Variants in PKP3 observed in about 807,000 individuals in gnomAD.
PKP3 encodes the protein plakophilin 3.
A neutral mutation model predicts 76.5 loss-of-function variants in PKP3; 66 were observed. That is an observed-to-expected ratio of 0.86 (90% CI 0.71 to 1.06). PKP3 has a LOEUF of 1.06. PKP3 is among the 50% of genes least tolerant of loss of function. PKP3 has a pLI of 0.00. For missense variants in PKP3, 1,338 were observed against 1,141.0 expected, an observed-to-expected ratio of 1.17 and a Z score of -2.49; for synonymous variants, 638 against 516.5, an observed-to-expected ratio of 1.24 and a Z score of -3.19.
chr11:397,003 G>C lies in PKP3; in HGVS notation c.502G>C (p.Gly168Arg). The C allele has an allele frequency of 6.3e-7, 1 of 1,599,822 alleles. No individual in the cohort carries two copies. Among genetic ancestry groups the C allele is most frequent in the African/African-American group, 1.3e-5 (1 of 75,038 alleles). Reference sequence around the variant, plus strand: ...CAGGCCCGTGTCCTTCCATGAGCGCGGTGGGGTTGGGAGCCGGGCCGACTA... The same window carrying C: ...CAGGCCCGTGTCCTTCCATGAGCGCCGTGGGGTTGGGAGCCGGGCCGACTA... ...PTRPVSFHERGGVGSRADYDT... is the reference protein window; with the variant it reads ...PTRPVSFHERRGVGSRADYDT... Residue 168 changes from glycine to arginine, a missense_variant, in exon 3 of 13, where the codon GGT becomes CGT. Coordinates refer to ENST00000331563, the MANE Select transcript of PKP3 (RefSeq NM_007183.4).
chr11:394,607 C>A (rs756720664), intron 1 of PKP3, 83 bp downstream of exon 1: 138 of 1,135,084 alleles, frequency 1.2e-4, no homozygotes, highest in Middle Eastern at 3.2e-4. Context: ...GGGCAGAGGC[C>A]GCAGTGAGGC....
At position 397,339 on chromosome 11, in the gene PKP3, T is replaced by A. The variant is rs1216667514; in HGVS notation, c.838T>A (p.Ser280Thr). 6.3e-7 allele frequency: 1 copy of A among 1,583,492 alleles called. No individual in the cohort carries two copies. Among genetic ancestry groups the A allele is most frequent in the Non-Finnish European group, 8.6e-7 (1 of 1,167,884 alleles). ...AVLEPVARAPSVRSLSLSLAD... is the reference protein window; with the variant it reads ...AVLEPVARAPTVRSLSLSLAD... ...CCTGGAGCCAGTGGCTCGAGCGCCA[T>A]CTGTGCGCAGCCTCAGCCTCAGCCT... Residue 280 changes from serine to threonine, a missense_variant, in exon 3 of 13, where the codon TCT becomes ACT. Coordinates refer to ENST00000331563, the MANE Select transcript of PKP3 (RefSeq NM_007183.4).
rs1455054156 is a variant in PKP3 at position 404,877 on chromosome 11, G to A, written c.*308G>A. On this transcript the variant is annotated 3_prime_UTR_variant, in exon 13 of 13. Transcript: ENST00000331563. This position sits in a 1 kb window ranked among gnomAD's most constrained non-coding sequence, Gnocchi z 4.2. ...GCCTGGCAGTATCTTGGGATAGCCA[G>A]CACTGGGAATAAAGATGGCCATGAA... 6.7e-6 allele frequency: 3 copies of A among 445,168 alleles called. No individual in the cohort carries two copies. In the Admixed American group the frequency reaches 1.1e-4, roughly 16 times the overall value. 27.6% of individuals were successfully genotyped at this position (445,168 alleles called of 1,614,324 possible).
chr11:403,001 ACCCGACCCGCTCACCCCGACCCGCTCAC>A lies in PKP3; in HGVS notation c.1738-54_1738-27del, dbSNP rs375586630. 120 of 95,532 alleles carry A rather than the reference ACCCGACCCGCTCACCCCGACCCGCTCAC, an allele frequency of 1.3e-3. 4 individuals carry two copies. In the East Asian group the frequency reaches 0.02, roughly 16 times the overall value. The allele number at this position is 95,532 out of a possible 1,614,324, so 5.9% of individuals were successfully genotyped here. A position where few individuals can be genotyped will look rare whatever the true frequency, so the allele number is the denominator to read the frequency against. ...CCCCGCTCACCCCCGCCCCACTCAC[ACCCGACCCGCTCACCCCGACCCGCTCAC>A]CCCGACCCGCTCACCCCGACCCCGC... On this transcript the variant is annotated intron_variant, in intron 8 of 12. Coordinates refer to ENST00000331563, the MANE Select transcript of PKP3 (RefSeq NM_007183.4).
chr11:395,105 G>A (rs1847028124), intron 1 of PKP3, among the ~76,000 whole-genome samples: 1 of 152,186 alleles, frequency 6.6e-6, no homozygotes, highest in African/African-American at 2.4e-5. Flanking sequence ...CTCGGTGCCA[G>A]CCAGACCCAC....
At position 400,065 on chromosome 11, in the gene PKP3, G is replaced by T; in HGVS notation, c.1372G>T (p.Gly458Trp). ...AGACCTGGTGTTGAGCCCCCTGTCGGGGGCTGGGGGTCCCCCCCTCATCCA... is the reference window on the plus strand; with the variant it reads ...AGACCTGGTGTTGAGCCCCCTGTCGTGGGCTGGGGGTCCCCCCCTCATCCA... ...LTDLVLSPLSGAGGPPLIQQN... is the reference protein window; with the variant it reads ...LTDLVLSPLSWAGGPPLIQQN... The change falls in exon 6 of 13, where the codon GGG (glycine) becomes TGG (tryptophan). Residue 458 changes from glycine (G) to tryptophan (W), a missense_variant. Transcript: ENST00000331563. The T allele has an allele frequency of 6.2e-7, 1 of 1,602,968 alleles. No homozygotes were observed. The highest frequency in any genetic ancestry group is 1.1e-5 in the South Asian group (1 of 89,764).
At position 400,605 on chromosome 11, in the gene PKP3, C is replaced by T. The variant is rs1339346390; in HGVS notation, c.1637C>T (p.Ala546Val). ...YRLYDEMPPS[A>V]LQRLEGRGRR... ...CTCTACGACGAGATGCCGCCGTCCG[C>T]GCTGCAGCGGCTGGAGGGTCGCGGC... The change falls in exon 8 of 13, where the codon GCG (alanine) becomes GTG (valine). Residue 546 changes from alanine to valine, a missense_variant. Transcript: ENST00000331563. The T allele has an allele frequency of 8.3e-6, 12 of 1,453,148 alleles. No individual in the cohort carries two copies. The highest frequency in any genetic ancestry group is 1.1e-5 in the Non-Finnish European group (12 of 1,111,822). 90.0% of individuals were successfully genotyped at this position (1,453,148 alleles called of 1,614,324 possible). A position where few individuals can be genotyped will look rare whatever the true frequency, so the allele number is the denominator to read the frequency against.
At chr11:394,602 G>C in intron 1 of PKP3, 78 bp downstream of exon 1, 4 of 1,184,880 alleles carry the variant, frequency 3.4e-6, no homozygotes, top group Non-Finnish European at 4.4e-6. Flanking sequence ...TGTGAGGGCA[G>C]AGGCCGCAGT....
chr11:396,401 G>T (rs1475715708), intron 1 of PKP3: 3 of 520,562 alleles, frequency 5.8e-6, no homozygotes, highest in Non-Finnish European at 6.8e-6. Flanking sequence ...GGTGGGCTGT[G>T]GAAGATGGAC....
rs766538187 is a variant in PKP3 at position 400,599 on chromosome 11, C to T, written c.1631C>T (p.Pro544Leu). Residue 544 changes from proline to leucine, a missense_variant, in exon 8 of 13, where the codon CCG becomes CTG. Transcript: ENST00000331563. Reference sequence around the variant, plus strand: ...TACCGCCTCTACGACGAGATGCCGCCGTCCGCGCTGCAGCGGCTGGAGGGT... The same window carrying T: ...TACCGCCTCTACGACGAGATGCCGCTGTCCGCGCTGCAGCGGCTGGAGGGT... ...LSYRLYDEMPPSALQRLEGRG... is the reference protein window; with the variant it reads ...LSYRLYDEMPLSALQRLEGRG... The T allele has an allele frequency of 4.6e-5, 68 of 1,464,660 alleles. No individual in the cohort carries two copies. The highest frequency in any genetic ancestry group is 8.9e-5 in the African/African-American group (6 of 67,144). 90.7% of individuals were successfully genotyped at this position (1,464,660 alleles called of 1,614,324 possible).
At chr11:394,643 A>C in intron 1 of PKP3, 119 bp downstream of exon 1, 1 of 812,574 alleles carries the variant, frequency 1.2e-6, no homozygotes, top group Non-Finnish European at 1.7e-6. Flanking sequence ...CAGGCCTCAC[A>C]CTGAGTCACA....
In PKP3 at chr11:397,307, G is replaced by T. The variant is rs1264037382; in HGVS notation, c.806G>T (p.Gly269Val). The stretch of plus-strand genomic sequence containing the variant: ...CGCGGGGTAGGCGGGGCAGTGCCGG[G>T]GGCCGTCCTGGAGCCAGTGGCTCGA... ...RSRGVGGAVP[G>V]AVLEPVARAP... The change falls in exon 3 of 13, where the codon GGG becomes GTG. Residue 269 changes from glycine to valine, a missense_variant. Transcript: ENST00000331563. The T allele has an allele frequency of 6.3e-7, 1 of 1,590,510 alleles. No individual in the cohort carries two copies. The highest frequency in any genetic ancestry group is 8.5e-7 in the Non-Finnish European group (1 of 1,170,942).
rs1225547187 is a variant in PKP3, at chr11:400,321, C to T, written c.1449-13C>T. The T allele has an allele frequency of 1.9e-6, 3 of 1,543,182 alleles. No homozygotes were observed. The highest frequency in any genetic ancestry group is 2.6e-6 in the Non-Finnish European group (3 of 1,141,788). ...GGGGTCCCTGGGGGGCTCTGATCCA[C>T]CTCGGTCCCCAGGAACCTCAGCTCA... On this transcript the variant is annotated splice_polypyrimidine_tract_variant and intron_variant, in intron 6 of 12. Coordinates refer to ENST00000331563, the MANE Select transcript of PKP3 (RefSeq NM_007183.4).
intron 1 of PKP3, chr11:396,129 A>C: frequency 6.4e-6 from 1 of 156,068 alleles, no homozygotes; most frequent in East Asian, 1.9e-4. Context: ...GGGACAGGGC[A>C]CTGCAACAGG....
At chr11:394,963 G>T (rs749306769) in intron 1 of PKP3, among the ~76,000 whole-genome samples, 1 of 152,222 alleles carries the variant, frequency 6.6e-6, no homozygotes, top group Non-Finnish European at 1.5e-5. Context: ...GCGGGGAGAG[G>T]TGTGGGGGTG....
At chr11:400,264 C>A in intron 6 of PKP3, 70 bp from the exon 7 acceptor site, 1 of 1,435,402 alleles carries the variant, frequency 7.0e-7, no homozygotes, top group East Asian at 2.5e-5. Context: ...CGTGCGAGGG[C>A]CCACGATGGG....
intron 1 of PKP3, chr11:396,271 A>C: frequency 6.9e-6 from 2 of 291,664 alleles, no homozygotes; most frequent in Non-Finnish European, 6.4e-6. Flanking sequence ...GAGGCTGGGC[A>C]CTGTACCATG....
At position 394,476 on chromosome 11, in the gene PKP3, C is replaced by T. The variant is rs781304450; in HGVS notation, c.184C>T (p.Arg62Trp). ...CCTCTTGCAGCTGGGACAGCAGCCG[C>T]GGCACAACGGGGCCGCTGAGCCCGA... ...ARLLQLGQQPRHNGAAEPEPE... is the reference protein window; with the variant it reads ...ARLLQLGQQPWHNGAAEPEPE... Residue 62 changes from arginine (R) to tryptophan (W), a missense_variant, in exon 1 of 13, where the codon CGG becomes TGG. By Grantham distance (101) the Arg-to-Trp change is moderately radical (BLOSUM62 -3). Transcript: ENST00000331563. 12 of 1,431,492 alleles carry T rather than the reference C, an allele frequency of 8.4e-6. No homozygotes were observed. Among genetic ancestry groups the T allele is most frequent in the South Asian group, 4.2e-5 (3 of 71,056 alleles). 88.7% of individuals were successfully genotyped at this position (1,431,492 alleles called of 1,614,324 possible).
At chr11:403,561 C>G in intron 9 of PKP3, 57 bp from the exon 10 acceptor site, 1 of 1,536,512 alleles carries the variant, frequency 6.5e-7, no homozygotes, top group Non-Finnish European at 8.8e-7. Flanking sequence ...TGGCAGGACC[C>G]CCTCAGGTGA....
Sources: gnomAD v4.1 joint callset for allele counts (sites outside exome capture counted in the v4.1 genomes callset) on GRCh38, gnomAD v4.1.1 for gene constraint, Gnocchi (gnomAD v3.1) non-coding constraint, MANE v1.5 for transcripts, NCBI Gene and HGNC (gene_info 2026-07-23, HGNC 2026-07-21) for gene names.